ANO2: variants seen among roughly 807,000 people sequenced by gnomAD.
ANO2 encodes the protein anoctamin-2.
ANO2 carries 101 observed loss-of-function variants against 124.2 expected under a neutral mutation model. The observed-to-expected ratio is 0.81, with a 90% confidence interval of 0.69 to 0.96. The LOEUF is 0.96. Among genes scored for constraint, ANO2 ranks in the 40% least tolerant of loss-of-function variants. The pLI, the probability that ANO2 is intolerant of heterozygous loss-of-function variation, is 0.00. For synonymous variants in ANO2, 486 were observed against 482.5 expected (o/e 1.01, Z -0.09); for missense variants, 1,293 against 1,274.5 (o/e 1.01, Z -0.22).
At chr12:5,603,402 C>T (rs1045103146) in intron 19 of ANO2, among the ~76,000 whole-genome samples, 2 of 152,090 alleles carry the variant, frequency 1.3e-5, no homozygotes, top group African/African-American at 4.8e-5. Flanking sequence ...CCTAAGGCAG[C>T]GAAGTTCTCT....
intron 15 of ANO2, among the ~76,000 whole-genome samples, chr12:5,640,862 T>C (rs996441184): frequency 2.6e-5 from 4 of 152,182 alleles, no homozygotes; most frequent in Admixed American, 2.0e-4. Context: ...GACCTAGTGA[T>C]CCCACTACTG....
intron 19 of ANO2, among the ~76,000 whole-genome samples, chr12:5,604,814 G>A (rs530467604): frequency 1.3e-5 from 2 of 152,256 alleles, no homozygotes; most frequent in Admixed American, 1.3e-4. Flanking sequence ...ATAACATACA[G>A]ATGGGCTTTT....
chr12:5,835,976 G>A lies in ANO2; in HGVS notation c.634-3373C>T, dbSNP rs956443309. ...ATGGAGTTCACCATACCATACCCACGTGTCTTTAAATGGCATGTGTGCGGT... is the reference window on the plus strand; with the variant it reads ...ATGGAGTTCACCATACCATACCCACATGTCTTTAAATGGCATGTGTGCGGT... On this transcript the variant is annotated intron_variant, in intron 4 of 24. Transcript: ENST00000682330. Among the ~76,000 whole-genome samples, 5 of 152,180 alleles carry A rather than the reference G, an allele frequency of 3.3e-5. No individual in the cohort carries two copies. In the East Asian group the frequency reaches 5.8e-4, roughly 18 times the overall value.
Position 5,888,830 on chromosome 12 carries a change from C to T in ANO2, c.534+32210G>A, listed in dbSNP as rs374209129. Among the ~76,000 whole-genome samples the T allele has an allele frequency of 5.3e-3, 815 of 152,348 alleles. 6 individuals carry two copies. Among genetic ancestry groups the T allele is most frequent in the African/African-American group, 0.019 (792 of 41,578 alleles). The stretch of plus-strand genomic sequence containing the variant: ...ACCAGACTCAGGAACCCAGCTGGCT[C>T]CACCCAGTGGATCCCACACTGGGGC... On this transcript the variant is annotated intron_variant, in intron 3 of 24. Transcript: ENST00000682330.
At position 5,903,672 on chromosome 12, in the gene ANO2, TGTGTGG is replaced by T. The variant is rs1555181047; in HGVS notation, c.534+17362_534+17367del. Among the ~76,000 whole-genome samples, 3 of 151,890 alleles carry T rather than the reference TGTGTGG, an allele frequency of 2.0e-5. No individual in the cohort carries two copies. The East Asian group carries it at 5.8e-4, about 29-fold the overall frequency. On this transcript the variant is annotated intron_variant, in intron 3 of 24. Transcript: ENST00000682330. The stretch of plus-strand genomic sequence containing the variant: ...ATGTGTGTGTGTGTGTGTGTGTGTG[TGTGTGG>T]GTGTAGACAGCAAGGTCTGTGCAGA...
intron 10 of ANO2, among the ~76,000 whole-genome samples, chr12:5,791,180 C>G (rs1952684564): frequency 6.6e-6 from 1 of 152,038 alleles, no homozygotes; most frequent in Non-Finnish European, 1.5e-5. Flanking sequence ...GCTTGGGTGT[C>G]TGGTTGCCGA....
At chr12:5,594,095 C>A in intron 20 of ANO2, among the ~76,000 whole-genome samples, 1 of 152,082 alleles carries the variant, frequency 6.6e-6, no homozygotes, top group East Asian at 1.9e-4. Flanking sequence ...AAAGTCATAG[C>A]AAAATAGACT....
At chr12:5,732,421 T>G in intron 14 of ANO2, 99 bp downstream of exon 14, 1 of 984,134 alleles carries the variant, frequency 1.0e-6, no homozygotes, top group South Asian at 1.6e-5. Flanking sequence ...ATCAACCCCT[T>G]CTCAAGCCCA....
At chr12:5,876,973 T>A (rs1417393333) in intron 3 of ANO2, among the ~76,000 whole-genome samples, 1 of 152,216 alleles carries the variant, frequency 6.6e-6, no homozygotes, top group Non-Finnish European at 1.5e-5. Context: ...ACTTAAAGTA[T>A]AATTTTTAAA....
At chr12:5,939,222 A>AC in intron 1 of ANO2, among the ~76,000 whole-genome samples, 1 of 151,490 alleles carries the variant, frequency 6.6e-6, no homozygotes, top group South Asian at 2.1e-4. Flanking sequence ...ACAAAAAAAA[A>AC]AAAAAAAAAA....
chr12:5,829,171 C>A (rs1954075687), intron 6 of ANO2, among the ~76,000 whole-genome samples: 1 of 152,018 alleles, frequency 6.6e-6, no homozygotes, highest in African/African-American at 2.4e-5. Flanking sequence ...AATTCAACAG[C>A]AATAATAATT....
chr12:5,647,412 C>T (rs953757522), intron 15 of ANO2, among the ~76,000 whole-genome samples: 7 of 152,192 alleles, frequency 4.6e-5, no homozygotes, highest in African/African-American at 1.2e-4. Flanking sequence ...TATCCACAAA[C>T]GTCAGAGAGG....
intron 5 of ANO2, 35 bp downstream of exon 5, chr12:5,832,417 T>G (rs1478885923): frequency 1.9e-6 from 3 of 1,612,538 alleles, no homozygotes; most frequent in Non-Finnish European, 2.5e-6. Context: ...TCCTATCCCT[T>G]CCCACATCTC....
rs78348100 is a variant in ANO2, at chr12:5,881,158, T to C, written c.535-27017A>G. 6.3e-3 allele frequency among the ~76,000 whole-genome samples: 952 copies of C among 152,218 alleles called. 4 individuals are homozygous for C. Among genetic ancestry groups the C allele is most frequent in the Non-Finnish European group, 0.011 (731 of 68,010 alleles). Reference sequence around the variant, plus strand: ...TCTACAGAAAAGCAAGAAAACACTTTATAACTATTCTATTGAGAGGGGCCT... The same window carrying C: ...TCTACAGAAAAGCAAGAAAACACTTCATAACTATTCTATTGAGAGGGGCCT... On this transcript the variant is annotated intron_variant, in intron 3 of 24. Transcript: ENST00000682330.
At chr12:5,732,128 T>C (rs1481576701) in intron 14 of ANO2, among the ~76,000 whole-genome samples, 3 of 152,238 alleles carry the variant, frequency 2.0e-5, no homozygotes, top group Admixed American at 1.3e-4. Flanking sequence ...TGTGAGATAA[T>C]GTAATACACT....
At chr12:5,875,769 T>C (rs1038752791) in intron 3 of ANO2, among the ~76,000 whole-genome samples, 1 of 151,486 alleles carries the variant, frequency 6.6e-6, no homozygotes, top group African/African-American at 2.4e-5. Context: ...ATCACTGCAG[T>C]GAGCAGCACA....
intron 3 of ANO2, among the ~76,000 whole-genome samples, chr12:5,915,698 C>A (rs902053587): frequency 1.3e-5 from 2 of 152,170 alleles, no homozygotes; most frequent in Non-Finnish European, 2.9e-5. Context: ...TCCTGTGAAG[C>A]CCCCATTCCA....
chr12:5,911,834 T>C (rs1941068467), intron 3 of ANO2, among the ~76,000 whole-genome samples: 1 of 152,244 alleles, frequency 6.6e-6, no homozygotes, highest in African/African-American at 2.4e-5. Context: ...CGCTCTAAGA[T>C]GAAATTGAAA....
intron 16 of ANO2, among the ~76,000 whole-genome samples, chr12:5,620,944 A>G (rs1945087417): frequency 6.6e-6 from 1 of 152,104 alleles, no homozygotes; most frequent in Non-Finnish European, 1.5e-5. Context: ...CCAAGAGGCC[A>G]GGTCCTCCCT....
Sources: gnomAD v4.1 joint callset for allele counts (sites outside exome capture counted in the v4.1 genomes callset) on GRCh38, gnomAD v4.1.1 for gene constraint, MANE v1.5 for transcripts, NCBI Gene and HGNC (gene_info 2026-07-23, HGNC 2026-07-21) for gene names.